Variants in ZFPM2 observed in about 807,000 individuals in gnomAD.
The protein encoded by ZFPM2 is zinc finger protein ZFPM2.
A neutral mutation model predicts 98.6 loss-of-function variants in ZFPM2; 20 were observed. That is an observed-to-expected ratio of 0.20 (90% CI 0.14 to 0.29). The LOEUF is 0.29. ZFPM2 is among the 10% of genes least tolerant of loss of function. The pLI is 1.00. For synonymous variants in ZFPM2, 518 were observed against 502.7 expected (o/e 1.03, Z -0.41); for missense variants, 1,310 against 1,388.6 (o/e 0.94, Z 0.90).
chr8:105,413,822 A>G (rs76303430), intron 1 of ZFPM2, among the ~76,000 whole-genome samples: 5,547 of 151,980 alleles, frequency 0.036, 345 homozygotes, highest in African/African-American at 0.13. Context: ...TTTAATTTTT[A>G]ATATTAATAA....
intron 5 of ZFPM2, among the ~76,000 whole-genome samples, chr8:105,726,129 T>G (rs188612117): frequency 6.6e-6 from 1 of 151,972 alleles, no homozygotes; most frequent in East Asian, 2.0e-4. Context: ...GCTGAGGAAA[T>G]TCCATCGAAA....
intron 3 of ZFPM2, among the ~76,000 whole-genome samples, chr8:105,488,576 A>G (rs1813284445): frequency 6.6e-6 from 1 of 152,032 alleles, no homozygotes; most frequent in Admixed American, 6.6e-5. Context: ...CCTGGCCAAT[A>G]TGGTGAAACC....
chr8:105,588,023 A>G (rs558009106), intron 4 of ZFPM2, among the ~76,000 whole-genome samples: 2 of 152,312 alleles, frequency 1.3e-5, no homozygotes, highest in Admixed American at 6.5e-5. Context: ...AAGTCTATGT[A>G]CTACACTTGT....
chr8:105,503,229 A>T (rs897361454), intron 3 of ZFPM2, among the ~76,000 whole-genome samples: 2 of 152,166 alleles, frequency 1.3e-5, no homozygotes, highest in Non-Finnish European at 2.9e-5. Flanking sequence ...ATATTCATAA[A>T]CTCTATAGAA....
chr8:105,593,146 C>T (rs1202209198), intron 4 of ZFPM2, among the ~76,000 whole-genome samples: 1 of 151,976 alleles, frequency 6.6e-6, no homozygotes, highest in Non-Finnish European at 1.5e-5. Flanking sequence ...ACATATGCTT[C>T]TTATATGTGT....
chr8:105,550,920 T>C (rs1227258875), intron 3 of ZFPM2, among the ~76,000 whole-genome samples: 3 of 152,188 alleles, frequency 2.0e-5, no homozygotes, highest in Non-Finnish European at 4.4e-5. Context: ...ATCAGTTATG[T>C]GTAACTTAAG....
At chr8:105,731,169 G>A (rs1345757079) in intron 5 of ZFPM2, among the ~76,000 whole-genome samples, 1 of 151,700 alleles carries the variant, frequency 6.6e-6, no homozygotes, top group Non-Finnish European at 1.5e-5. Context: ...TGACCTGAAA[G>A]CAGGATAAAA....
At chr8:105,747,525 G>A (rs546524776) in intron 5 of ZFPM2, among the ~76,000 whole-genome samples, 1 of 152,176 alleles carries the variant, frequency 6.6e-6, no homozygotes, top group Admixed American at 6.6e-5. Context: ...TTAATTAAAT[G>A]TAGATTAAAA....
intron 2 of ZFPM2, among the ~76,000 whole-genome samples, chr8:105,435,801 G>GA (rs149484302): frequency 0.25 from 38,150 of 151,520 alleles, 5,027 homozygotes; most frequent in Admixed American, 0.32. Context: ...TCTATTGTGA[G>GA]AAAAAAAATA....
At chr8:105,540,615 AG>A (rs1285158795) in intron 3 of ZFPM2, among the ~76,000 whole-genome samples, 1 of 152,152 alleles carries the variant, frequency 6.6e-6, no homozygotes, top group Non-Finnish European at 1.5e-5. Context: ...CATAAAACTT[AG>A]TTTGGAGACC....
At chr8:105,415,232 C>T (rs1318055464) in intron 1 of ZFPM2, among the ~76,000 whole-genome samples, 1 of 152,082 alleles carries the variant, frequency 6.6e-6, no homozygotes, top group Non-Finnish European at 1.5e-5. Context: ...AGACAATGAA[C>T]AGTGTTATGG....
At chr8:105,571,979 G>A (rs1195503471) in intron 4 of ZFPM2, among the ~76,000 whole-genome samples, 1 of 150,952 alleles carries the variant, frequency 6.6e-6, no homozygotes, top group African/African-American at 2.4e-5. Context: ...CTGCTATAAA[G>A]CTCTGTGTTG....
intron 1 of ZFPM2, among the ~76,000 whole-genome samples, chr8:105,376,166 T>C (rs553239653): frequency 1.2e-4 from 18 of 152,132 alleles, no homozygotes; most frequent in Admixed American, 2.0e-4. Flanking sequence ...CTCTCTTAAC[T>C]CCTAGCATCA....
rs762060423 is a variant in ZFPM2, at chr8:105,419,313, A to T, written c.199+11A>T. 1.2e-5 allele frequency: 19 copies of T among 1,612,228 alleles called. No individual in the cohort carries two copies. Among genetic ancestry groups the T allele is most frequent in the Non-Finnish European group, 9.3e-6 (11 of 1,179,318 alleles). ...ACTTTTGTAACAAAGGTAATTGTTGATGGTTGGATGTAATATGTGAGTCCA... is the reference window on the plus strand; with the variant it reads ...ACTTTTGTAACAAAGGTAATTGTTGTTGGTTGGATGTAATATGTGAGTCCA... On this transcript the variant is annotated intron_variant, in intron 2 of 7. Coordinates refer to ENST00000407775, the MANE Select transcript of ZFPM2 (RefSeq NM_012082.4).
chr8:105,405,694 G>A (rs1811437296), intron 1 of ZFPM2, among the ~76,000 whole-genome samples: 1 of 151,914 alleles, frequency 6.6e-6, no homozygotes, highest in South Asian at 2.1e-4. Flanking sequence ...GGACATTTGG[G>A]TTGGTTCCAA....
intron 4 of ZFPM2, among the ~76,000 whole-genome samples, chr8:105,565,869 A>G (rs1296695147): frequency 6.6e-6 from 1 of 152,176 alleles, no homozygotes; most frequent in African/African-American, 2.4e-5. Context: ...TCTCCAGAGA[A>G]ACAGAACAAC....
chr8:105,486,439 T>A (rs1161563396), intron 3 of ZFPM2, among the ~76,000 whole-genome samples: 3 of 152,056 alleles, frequency 2.0e-5, no homozygotes, highest in Non-Finnish European at 4.4e-5. Flanking sequence ...ACATTTTTTT[T>A]TCCTTCTAAA....
At chr8:105,613,838 G>A (rs184259683) in intron 4 of ZFPM2, among the ~76,000 whole-genome samples, 233 of 152,258 alleles carry the variant, frequency 1.5e-3, no homozygotes, top group Non-Finnish European at 2.8e-3. Context: ...CCCAAAAAAG[G>A]CAAAGTTACA....
At chr8:105,674,653 A>G (rs1817655458) in intron 5 of ZFPM2, among the ~76,000 whole-genome samples, 1 of 152,192 alleles carries the variant, frequency 6.6e-6, no homozygotes, top group African/African-American at 2.4e-5. Flanking sequence ...ATAGAAATAC[A>G]TTAAGTGTTC....
Sources: gnomAD v4.1 joint callset for allele counts (sites outside exome capture counted in the v4.1 genomes callset) on GRCh38, gnomAD v4.1.1 for gene constraint, MANE v1.5 for transcripts, NCBI Gene and HGNC (gene_info 2026-07-23, HGNC 2026-07-21) for gene names.